Variants in COMMD1 observed in about 807,000 individuals in gnomAD.
COMMD1 encodes copper metabolism domain containing 1.
In COMMD1, 10 loss-of-function variants were observed where a neutral mutation model predicts 17.2. That is an observed-to-expected ratio of 0.58 (90% CI 0.36 to 0.99). COMMD1 has a LOEUF of 0.99. Ranked by LOEUF, COMMD1 falls within the 50% of genes least tolerant of loss-of-function variation. COMMD1 has a pLI of 0.01. For missense variants in COMMD1, 270 were observed against 231.8 expected, an observed-to-expected ratio of 1.17 and a Z score of -1.07; for synonymous variants, 97 against 91.6, an observed-to-expected ratio of 1.06 and a Z score of -0.34.
chr2:62,038,556 A>G (rs1017386665), intron 2 of COMMD1, among the ~76,000 whole-genome samples: 3 of 150,686 alleles, frequency 2.0e-5, no homozygotes, highest in Non-Finnish European at 4.4e-5. Flanking sequence ...TTATTTATTT[A>G]TTTATTTTTG....
chr2:61,918,789 T>G (rs1457940013), intron 1 of COMMD1, among the ~76,000 whole-genome samples: 2 of 152,106 alleles, frequency 1.3e-5, no homozygotes, highest in African/African-American at 4.8e-5. Flanking sequence ...GTGGAGTGGA[T>G]CCTTAAACTG....
chr2:62,027,647 TTA>T lies in COMMD1; in HGVS notation c.462+26667_462+26668del, dbSNP rs1558568239. ...TTATGTTATGTTATGTTATGTTATG[TTA>T]TGTTATGTTGTGTTATGTTATGTTA... On this transcript the variant is annotated intron_variant, in intron 2 of 2. Transcript: ENST00000311832. Among the ~76,000 whole-genome samples, 15 of 146,944 alleles carry T rather than the reference TTA, an allele frequency of 1.0e-4. No homozygotes were observed. In the East Asian group the frequency reaches 2.0e-3, roughly 19 times the overall value.
In COMMD1 at chr2:62,003,552, A is replaced by C. The variant is rs1669024663; in HGVS notation, c.462+2570A>C. Among the ~76,000 whole-genome samples, 5 of 150,600 alleles carry C rather than the reference A, an allele frequency of 3.3e-5. No individual in the cohort carries two copies. In the South Asian group the frequency reaches 6.3e-4, roughly 19 times the overall value. ...TGAGACTCCGTCTCAAAAAAAAAAA[A>C]CAAAAAAAACTTGTCTGTTCTCTTA... On this transcript the variant is annotated intron_variant, in intron 2 of 2. Coordinates refer to ENST00000311832, the MANE Select transcript of COMMD1 (RefSeq NM_152516.4).
At chr2:62,125,481 T>TCAGAGAGCTAACA (rs1196732019) in intron 2 of COMMD1, among the ~76,000 whole-genome samples, 7 of 152,172 alleles carry the variant, frequency 4.6e-5, no homozygotes, top group African/African-American at 7.2e-5. Context: ...TCTGTTTTGT[T>TCAGAGAGCTAACA]AGCATGCTCT....
chr2:62,005,647 A>C (rs990149257), intron 2 of COMMD1, among the ~76,000 whole-genome samples: 15 of 152,230 alleles, frequency 9.9e-5, no homozygotes, highest in African/African-American at 3.6e-4. Flanking sequence ...ACAATGAGAT[A>C]CCATCTCACA....
chr2:62,133,425 CT>C (rs908777165), intron 2 of COMMD1, among the ~76,000 whole-genome samples: 32 of 152,102 alleles, frequency 2.1e-4, no homozygotes, highest in African/African-American at 7.5e-4. Context: ...AAGTTTTTCT[CT>C]GCCTTCTTAG....
chr2:61,968,674 A>T (rs995145289), intron 1 of COMMD1, among the ~76,000 whole-genome samples: 3 of 152,024 alleles, frequency 2.0e-5, no homozygotes, highest in African/African-American at 7.2e-5. Flanking sequence ...CTCCTACCTC[A>T]GCCTTTCCAG....
At chr2:61,948,607 T>C (rs1191145866) in intron 1 of COMMD1, among the ~76,000 whole-genome samples, 2 of 152,226 alleles carry the variant, frequency 1.3e-5, no homozygotes, top group Non-Finnish European at 2.9e-5. Flanking sequence ...AATTCACTAG[T>C]TTAAATATAA....
In COMMD1 at chr2:61,918,270, T is replaced by C. The variant is rs75999625; in HGVS notation, c.180+12412T>C. Reference sequence around the variant, plus strand: ...GTTCTATAAATATATTCCTTTTAGTTCTCTAGTTTTTAAGCGACTAAGTTT... The same window carrying C: ...GTTCTATAAATATATTCCTTTTAGTCCTCTAGTTTTTAAGCGACTAAGTTT... On this transcript the variant is annotated intron_variant, in intron 1 of 2. Transcript: ENST00000311832. Among the ~76,000 whole-genome samples the C allele has an allele frequency of 3.0e-3, 455 of 152,368 alleles. 1 individual carries two copies. Among genetic ancestry groups the C allele is most frequent in the Non-Finnish European group, 5.1e-3 (350 of 68,030 alleles).
At chr2:62,010,791 C>A (rs778959037) in intron 2 of COMMD1, among the ~76,000 whole-genome samples, 1 of 152,222 alleles carries the variant, frequency 6.6e-6, no homozygotes, top group African/African-American at 2.4e-5. Context: ...CTGTTTAGAT[C>A]ACCATCACCT....
At chr2:61,913,898 G>A (rs962851322) in intron 1 of COMMD1, among the ~76,000 whole-genome samples, 6 of 151,148 alleles carry the variant, frequency 4.0e-5, no homozygotes, top group South Asian at 2.1e-4. Flanking sequence ...CCCCCTGGGT[G>A]CGGTGGCTCA....
chr2:62,124,514 A>C (rs2104083872), intron 2 of COMMD1, among the ~76,000 whole-genome samples: 1 of 152,178 alleles, frequency 6.6e-6, no homozygotes, highest in East Asian at 1.9e-4. Flanking sequence ...TTAAGATCTG[A>C]TGTTATTTTA....
At chr2:62,013,822 A>G (rs1669357797) in intron 2 of COMMD1, among the ~76,000 whole-genome samples, 1 of 152,234 alleles carries the variant, frequency 6.6e-6, no homozygotes, top group Non-Finnish European at 1.5e-5. Context: ...ACTGTCTAAC[A>G]TACAACTTGA....
chr2:62,065,533 A>G (rs1671013785), intron 2 of COMMD1, among the ~76,000 whole-genome samples: 1 of 151,642 alleles, frequency 6.6e-6, no homozygotes, highest in Admixed American at 6.6e-5. Flanking sequence ...TATGTTGCCC[A>G]GCATTGTCTC....
chr2:61,908,722 G>A (rs1360744084), intron 1 of COMMD1, among the ~76,000 whole-genome samples: 1 of 151,706 alleles, frequency 6.6e-6, no homozygotes, highest in Non-Finnish European at 1.5e-5. Flanking sequence ...ACCACGCCCG[G>A]CTAATTTTTT....
intron 1 of COMMD1, among the ~76,000 whole-genome samples, chr2:61,942,206 C>T (rs1163091380): frequency 2.6e-5 from 4 of 151,348 alleles, no homozygotes; most frequent in Non-Finnish European, 4.4e-5. Flanking sequence ...TAGGTTCAAG[C>T]GATTCTCCTG....
At chr2:61,893,133 C>T (rs1669474916) in intron 1 of COMMD1, among the ~76,000 whole-genome samples, 1 of 151,986 alleles carries the variant, frequency 6.6e-6, no homozygotes. Flanking sequence ...TTTCAAAGTA[C>T]TGGGATTACA....
chr2:61,966,043 C>T (rs1050454645), intron 1 of COMMD1, among the ~76,000 whole-genome samples: 1 of 152,200 alleles, frequency 6.6e-6, no homozygotes, highest in Non-Finnish European at 1.5e-5. Flanking sequence ...TACATCAGAG[C>T]TGTTCCCAAT....
intron 1 of COMMD1, among the ~76,000 whole-genome samples, chr2:61,940,409 A>G (rs1366145049): frequency 1.3e-5 from 2 of 152,154 alleles, no homozygotes; most frequent in African/African-American, 4.8e-5. Flanking sequence ...CAGATTTCAT[A>G]ATTCTGTTAA....
Sources: gnomAD v4.1 joint callset for allele counts (sites outside exome capture counted in the v4.1 genomes callset) on GRCh38, gnomAD v4.1.1 for gene constraint, MANE v1.5 for transcripts, NCBI Gene and HGNC (gene_info 2026-07-23, HGNC 2026-07-21) for gene names.